The following NACC2 variants were observed in gnomAD, a reference collection of about 807,000 sequenced individuals.
NACC2 encodes nucleus accumbens-associated protein 2.
Under a neutral mutation model 25.1 loss-of-function variants are expected in NACC2, and 8 were observed. That is an observed-to-expected ratio of 0.32 (90% CI 0.19 to 0.57). The LOEUF (loss-of-function observed/expected upper bound fraction) is 0.57. NACC2 is among the 20% of genes least tolerant of loss of function. NACC2 has a pLI of 0.89. For missense variants in NACC2, 644 were observed against 650.2 expected, an observed-to-expected ratio of 0.99 and a Z score of 0.10; for synonymous variants, 435 against 294.7, an observed-to-expected ratio of 1.48 and a Z score of -4.88.
intron 1 of NACC2, among the ~76,000 whole-genome samples, chr9:136,054,310 G>A (rs1254960757): frequency 6.6e-6 from 1 of 152,170 alleles, no homozygotes; most frequent in Admixed American, 6.5e-5. Context: ...GAAGGTGATG[G>A]GGCCGTGTGG....
intron 2 of NACC2, among the ~76,000 whole-genome samples, chr9:136,025,447 A>G (rs545584424): frequency 8.5e-5 from 13 of 152,306 alleles, no homozygotes; most frequent in African/African-American, 3.1e-4. Context: ...AAACAAAACA[A>G]AACAAAACAA....
At position 136,013,182 on chromosome 9, in the gene NACC2, G is replaced by T; in HGVS notation, c.1255+17C>A. On this transcript the variant is annotated intron_variant, in intron 5 of 5. Transcript: ENST00000277554. This position sits in a 1 kb window ranked among gnomAD's most constrained non-coding sequence, Gnocchi z 6.6. ...CAGCCCCGGCCCCACCCACCCGAGAGACCCCCAGGCTCTTACATTTCACAG... is the reference window on the plus strand; with the variant it reads ...CAGCCCCGGCCCCACCCACCCGAGATACCCCCAGGCTCTTACATTTCACAG... 3 of 888,458 alleles carry T rather than the reference G, an allele frequency of 3.4e-6. No homozygotes were observed. Among genetic ancestry groups the T allele is most frequent in the Non-Finnish European group, 3.5e-6 (2 of 572,688 alleles). 55.0% of individuals were successfully genotyped at this position (888,458 alleles called of 1,614,324 possible).
At chr9:136,049,258 C>T (rs7849117) in intron 2 of NACC2, among the ~76,000 whole-genome samples, 27,079 of 152,114 alleles carry the variant, frequency 0.18, 2,942 homozygotes, top group African/African-American at 0.28. Context: ...CTAGACCTGG[C>T]CGGGTGAGGC....
rs955215078 is a variant in NACC2 at position 136,013,120 on chromosome 9, C to G, written c.1255+79G>C. The G allele has an allele frequency of 1.5e-4, 190 of 1,294,932 alleles. No homozygotes were observed. In the Middle Eastern group the frequency reaches 3.1e-3, roughly 21 times the overall value. 80.2% of individuals were successfully genotyped at this position (1,294,932 alleles called of 1,614,324 possible). A position where few individuals can be genotyped will look rare whatever the true frequency, so the allele number is the denominator to read the frequency against. On this transcript the variant is annotated intron_variant, in intron 5 of 5. Transcript: ENST00000277554. The surrounding 1 kb of genome is among the most constrained non-coding windows in gnomAD (Gnocchi z 6.6). ...CTGCAGGTGGCCGGGAGCACCCCCGCGGCCCACCCAGTCCTCCTCAGGCTG... is the reference window on the plus strand; with the variant it reads ...CTGCAGGTGGCCGGGAGCACCCCCGGGGCCCACCCAGTCCTCCTCAGGCTG...
chr9:136,014,057 G>T (rs13296635), intron 3 of NACC2, 88 bp from the exon 4 acceptor site: 9 of 373,682 alleles, frequency 2.4e-5, no homozygotes, highest in South Asian at 2.0e-4. Context: ...GGGAGGGGGG[G>T]AGGTGGAGGG....
intron 1 of NACC2, among the ~76,000 whole-genome samples, chr9:136,093,628 G>A (rs1488754884): frequency 6.6e-6 from 1 of 152,216 alleles, no homozygotes; most frequent in African/African-American, 2.4e-5. Context: ...AAGGACAGGG[G>A]GCCACCACCT....
rs1840813396 is a variant in NACC2 at position 136,050,557 on chromosome 9, C to T, written c.-36G>A. On this transcript the variant is annotated 5_prime_UTR_variant, in exon 2 of 6. Coordinates refer to ENST00000277554, the MANE Select transcript of NACC2 (RefSeq NM_144653.5). Reference sequence around the variant, plus strand: ...CAGCGGCGGGGCTGGGCTCTCAGCGCGGGGCGGCCCTAGCGGGGCTCATCT... The same window carrying T: ...CAGCGGCGGGGCTGGGCTCTCAGCGTGGGGCGGCCCTAGCGGGGCTCATCT... The T allele has an allele frequency of 6.7e-6, 5 of 742,590 alleles. No homozygotes were observed. The highest frequency in any genetic ancestry group is 1.4e-5 in the South Asian group (1 of 71,526). The allele number at this position is 742,590 out of a possible 1,614,324, so 46.0% of individuals were successfully genotyped here. A position where few individuals can be genotyped will look rare whatever the true frequency, so the allele number is the denominator to read the frequency against.
chr9:136,076,868 G>A (rs145029601), intron 1 of NACC2, among the ~76,000 whole-genome samples: 1 of 152,094 alleles, frequency 6.6e-6, no homozygotes, highest in Admixed American at 6.6e-5. Flanking sequence ...AAATTAGCCG[G>A]GCGTGGTGGC....
In NACC2 at chr9:136,012,043, G is replaced by C; in HGVS notation, c.1256-19C>G. On this transcript the variant is annotated intron_variant, in intron 5 of 5. Transcript: ENST00000277554. ...CAGTACACTGTGAGGACGGGGCGGCGTGAGCTCAGCCACCTGCCTGCCGGG... is the reference window on the plus strand; with the variant it reads ...CAGTACACTGTGAGGACGGGGCGGCCTGAGCTCAGCCACCTGCCTGCCGGG... The C allele has an allele frequency of 6.6e-7, 1 of 1,511,038 alleles. No individual in the cohort carries two copies. Among genetic ancestry groups the C allele is most frequent in the Non-Finnish European group, 8.9e-7 (1 of 1,129,772 alleles). The allele number at this position is 1,511,038 out of a possible 1,614,324, so 93.6% of individuals were successfully genotyped here.
intron 5 of NACC2, 108 bp from the exon 6 acceptor site, chr9:136,012,132 T>C: frequency 1.5e-6 from 2 of 1,341,362 alleles, no homozygotes; most frequent in South Asian, 1.6e-5. Flanking sequence ...CGGCCGCTCC[T>C]GGGGCCCATG....
chr9:136,036,138 A>C (rs1840548882), intron 2 of NACC2, among the ~76,000 whole-genome samples: 1 of 152,140 alleles, frequency 6.6e-6, no homozygotes, highest in Non-Finnish European at 1.5e-5. Context: ...AAGTGGCAAG[A>C]AAAGGACAGA....
chr9:136,008,224 C>T lies in NACC2; in HGVS notation c.*3292G>A, dbSNP rs1171251935. ...GAATTCAAGTACCGAGGCACCCAGC[C>T]AGGCGCGGCCCGCCGGGCTCACAGT... On this transcript the variant is annotated 3_prime_UTR_variant, in exon 6 of 6. Coordinates refer to ENST00000277554, the MANE Select transcript of NACC2 (RefSeq NM_144653.5). 1 of 152,350 alleles carries T rather than the reference C, an allele frequency of 6.6e-6. No individual in the cohort carries two copies. Among genetic ancestry groups the T allele is most frequent in the African/African-American group, 2.4e-5 (1 of 41,466 alleles). 9.4% of individuals were successfully genotyped at this position (152,350 alleles called of 1,614,324 possible). A position where few individuals can be genotyped will look rare whatever the true frequency, so the allele number is the denominator to read the frequency against.
intron 2 of NACC2, among the ~76,000 whole-genome samples, chr9:136,029,287 TCTC>T (rs1337448003): frequency 6.6e-6 from 1 of 151,918 alleles, no homozygotes; most frequent in African/African-American, 2.4e-5. Flanking sequence ...CCACTGTGGG[TCTC>T]CTCTCAGCTG....
chr9:136,067,498 C>T (rs561489607), intron 1 of NACC2, among the ~76,000 whole-genome samples: 16 of 152,146 alleles, frequency 1.1e-4, no homozygotes, highest in African/African-American at 2.9e-4. Flanking sequence ...CTCTGAACAC[C>T]GCAGGTGATT....
chr9:136,062,683 C>T (rs924459638), intron 1 of NACC2, among the ~76,000 whole-genome samples: 4 of 152,148 alleles, frequency 2.6e-5, no homozygotes, highest in East Asian at 3.9e-4. Flanking sequence ...GGGAGGTCAG[C>T]GGGGGTGGAC....
intron 1 of NACC2, among the ~76,000 whole-genome samples, chr9:136,070,027 G>A (rs1841131247): frequency 6.6e-6 from 1 of 151,836 alleles, no homozygotes; most frequent in Non-Finnish European, 1.5e-5. Context: ...TGGAACATAT[G>A]CCAAGACAGA....
intron 1 of NACC2, among the ~76,000 whole-genome samples, chr9:136,062,849 C>T (rs871094): frequency 0.049 from 7,497 of 152,210 alleles, 302 homozygotes; most frequent in East Asian, 0.22. Context: ...CCTGGGAGGC[C>T]GAGGCCGCAG....
intron 2 of NACC2, among the ~76,000 whole-genome samples, chr9:136,029,295 C>T (rs749956560): frequency 1.1e-4 from 16 of 152,134 alleles, no homozygotes; most frequent in Non-Finnish European, 1.8e-4. Context: ...GGTCTCCTCT[C>T]AGCTGAGAGC....
chr9:136,076,237 G>A (rs1462697215), intron 1 of NACC2, among the ~76,000 whole-genome samples: 5 of 152,128 alleles, frequency 3.3e-5, no homozygotes, highest in African/African-American at 1.2e-4. Context: ...AGCGTTTCCC[G>A]GCCCTGCGGA....
Sources: gnomAD v4.1 joint callset for allele counts (sites outside exome capture counted in the v4.1 genomes callset) on GRCh38, gnomAD v4.1.1 for gene constraint, Gnocchi (gnomAD v3.1) non-coding constraint, MANE v1.5 for transcripts, NCBI Gene and HGNC (gene_info 2026-07-23, HGNC 2026-07-21) for gene names.